The following EFNA5 variants were observed in gnomAD, a reference collection of about 807,000 sequenced individuals.
EFNA5 encodes the protein ephrin A5, also known as ephrin-A5.
A neutral mutation model predicts 22.9 loss-of-function variants in EFNA5; 5 were observed. The observed-to-expected ratio is 0.22, with a 90% CI of 0.11 to 0.46. The LOEUF is 0.46. EFNA5 is among the 20% of genes least tolerant of loss of function. The pLI is 0.99. For missense variants in EFNA5, 237 were observed against 293.3 expected, an observed-to-expected ratio of 0.81 and a Z score of 1.40; for synonymous variants, 113 against 112.2, an observed-to-expected ratio of 1.01 and a Z score of -0.04.
intron 2 of EFNA5, among the ~76,000 whole-genome samples, chr5:107,418,017 C>T (rs916713886): frequency 1.3e-5 from 2 of 152,140 alleles, no homozygotes; most frequent in South Asian, 4.1e-4. Context: ...GTGTATGTAT[C>T]TTGTGGATAA....
At chr5:107,489,968 T>TCATGACTCAGGG (rs1320915480) in intron 1 of EFNA5, among the ~76,000 whole-genome samples, 8 of 152,112 alleles carry the variant, frequency 5.3e-5, no homozygotes, top group Admixed American at 2.6e-4. Flanking sequence ...CCAGAAGATC[T>TCATGACTCAGGG]CATGACTCAG....
At chr5:107,501,914 G>T (rs1159880291) in intron 1 of EFNA5, among the ~76,000 whole-genome samples, 5 of 152,156 alleles carry the variant, frequency 3.3e-5, no homozygotes, top group Non-Finnish European at 7.3e-5. Context: ...AATTTTCTCT[G>T]ATTTAAACTG....
At chr5:107,443,068 G>A (rs1414392297) in intron 1 of EFNA5, among the ~76,000 whole-genome samples, 3 of 53,150 alleles carry the variant, frequency 5.6e-5, no homozygotes, top group South Asian at 7.5e-4. Flanking sequence ...CTCCCTGTCT[G>A]TAGATGAGCT....
At chr5:107,640,909 A>C (rs1425291705) in intron 1 of EFNA5, among the ~76,000 whole-genome samples, 1 of 152,154 alleles carries the variant, frequency 6.6e-6, no homozygotes, top group Non-Finnish European at 1.5e-5. Flanking sequence ...AGCAGGCCAC[A>C]CCAGGTCACT....
intron 1 of EFNA5, among the ~76,000 whole-genome samples, chr5:107,622,225 G>A (rs1170651096): frequency 6.6e-6 from 1 of 152,144 alleles, no homozygotes; most frequent in Non-Finnish European, 1.5e-5. Context: ...AGCAGCCATT[G>A]TGAGCCATAA....
At chr5:107,590,119 G>A (rs1379811219) in intron 1 of EFNA5, among the ~76,000 whole-genome samples, 1 of 152,126 alleles carries the variant, frequency 6.6e-6, no homozygotes, top group African/African-American at 2.4e-5. Flanking sequence ...GGTATAAAGA[G>A]TAGCATAGTC....
chr5:107,479,126 T>C (rs962966556), intron 1 of EFNA5, among the ~76,000 whole-genome samples: 2 of 152,224 alleles, frequency 1.3e-5, no homozygotes, highest in African/African-American at 2.4e-5. Context: ...TACTTTAGTT[T>C]GTAGAGATTT....
intron 2 of EFNA5, among the ~76,000 whole-genome samples, chr5:107,416,072 A>ATT (rs1401316339): frequency 6.6e-6 from 1 of 152,220 alleles, no homozygotes; most frequent in African/African-American, 2.4e-5. Flanking sequence ...TGCCTTCATC[A>ATT]CAATTGAAAC....
intron 1 of EFNA5, among the ~76,000 whole-genome samples, chr5:107,630,869 T>C (rs1323372185): frequency 2.6e-5 from 4 of 152,134 alleles, no homozygotes; most frequent in African/African-American, 7.2e-5. Context: ...TTTTACTTTT[T>C]AAACTTTTGT....
rs185478626 is a variant in EFNA5, at chr5:107,385,062, G to A, written c.565+2173C>T. 2.0e-4 allele frequency among the ~76,000 whole-genome samples: 30 copies of A among 151,928 alleles called. No homozygotes were observed. The East Asian group carries it at 5.4e-3, about 27-fold the overall frequency. On this transcript the variant is annotated intron_variant, in intron 4 of 4. Coordinates refer to ENST00000333274, the MANE Select transcript of EFNA5 (RefSeq NM_001962.3). ...GAGCTTTTCCTGCATGTACACCTAC[G>A]CTCTACTCCCCAGCACACGTATGCA...
At chr5:107,617,625 T>C (rs1448938748) in intron 1 of EFNA5, among the ~76,000 whole-genome samples, 2 of 152,210 alleles carry the variant, frequency 1.3e-5, no homozygotes. Context: ...CTGAAGAGTT[T>C]CCACTTGTTC....
chr5:107,521,685 G>A (rs1302709206), intron 1 of EFNA5, among the ~76,000 whole-genome samples: 1 of 152,058 alleles, frequency 6.6e-6, no homozygotes, highest in East Asian at 1.9e-4. Flanking sequence ...GACAGATACT[G>A]TACTGCATAT....
intron 1 of EFNA5, among the ~76,000 whole-genome samples, chr5:107,660,376 G>A (rs2112560173): frequency 7.1e-6 from 1 of 140,040 alleles, no homozygotes; most frequent in East Asian, 2.0e-4. Context: ...TTAATGACAA[G>A]CATATGGTGG....
At chr5:107,571,631 T>C (rs1269092188) in intron 1 of EFNA5, among the ~76,000 whole-genome samples, 2 of 151,882 alleles carry the variant, frequency 1.3e-5, no homozygotes, top group East Asian at 3.9e-4. Flanking sequence ...AACCAGACAC[T>C]ATCCTCTGGC....
chr5:107,638,994 A>T (rs1048379848), intron 1 of EFNA5, among the ~76,000 whole-genome samples: 6 of 152,228 alleles, frequency 3.9e-5, no homozygotes, highest in African/African-American at 1.4e-4. Flanking sequence ...TAAAATAGAA[A>T]AAAGATACAT....
intron 1 of EFNA5, among the ~76,000 whole-genome samples, chr5:107,490,619 C>T (rs962990238): frequency 6.6e-6 from 1 of 152,148 alleles, no homozygotes; most frequent in Non-Finnish European, 1.5e-5. Flanking sequence ...CTACCACCTG[C>T]ACTGCAAAGT....
intron 1 of EFNA5, among the ~76,000 whole-genome samples, chr5:107,485,605 G>A (rs1337198882): frequency 1.3e-5 from 2 of 152,112 alleles, no homozygotes; most frequent in Non-Finnish European, 2.9e-5. Context: ...ACTTCCTATG[G>A]ATTATGTTCA....
chr5:107,533,992 A>G (rs1486731668), intron 1 of EFNA5, among the ~76,000 whole-genome samples: 1 of 152,178 alleles, frequency 6.6e-6, no homozygotes, highest in Non-Finnish European at 1.5e-5. Context: ...TTCCCCTGAG[A>G]ACTATTTTAT....
intron 1 of EFNA5, among the ~76,000 whole-genome samples, chr5:107,543,306 C>T (rs1018054975): frequency 1.3e-5 from 2 of 152,224 alleles, no homozygotes; most frequent in Non-Finnish European, 2.9e-5. Context: ...ATTTTCAAAG[C>T]AACTTCTTCA....
Sources: allele counts gnomAD v4.1 joint callset (sites outside exome capture counted in the v4.1 genomes callset), GRCh38; gene constraint gnomAD v4.1.1; transcripts MANE v1.5; gene names NCBI Gene and HGNC (gene_info 2026-07-23, HGNC 2026-07-21).